WBP1L: variants seen among roughly 807,000 people sequenced by gnomAD.
WBP1L encodes the protein WW domain binding protein 1-like.
A neutral mutation model predicts 33.7 loss-of-function variants in WBP1L; 17 were observed. The ratio of observed to expected loss-of-function variants is 0.50; its 90% CI spans 0.34 to 0.76. The LOEUF is 0.76. Among genes scored for constraint, WBP1L ranks in the 30% least tolerant of loss-of-function variants. The pLI, the probability that WBP1L is intolerant of heterozygous loss-of-function variation, is 0.01. For missense variants in WBP1L, 389 were observed against 469.4 expected, an observed-to-expected ratio of 0.83 and a Z score of 1.58; for synonymous variants, 173 against 190.8, an observed-to-expected ratio of 0.91 and a Z score of 0.77.
chr10:102,744,202 G>A, intron 1 of WBP1L, 59 bp downstream of exon 1: 1 of 1,489,540 alleles, frequency 6.7e-7, no homozygotes, highest in Non-Finnish European at 9.0e-7. Flanking sequence ...AGGCCTGGCT[G>A]GAGGGGTCTG....
chr10:102,766,311 C>G (rs1461907297), intron 1 of WBP1L, among the ~76,000 whole-genome samples: 1 of 151,414 alleles, frequency 6.6e-6, no homozygotes, highest in Non-Finnish European at 1.5e-5. Context: ...GCATGGTGCG[C>G]ATGCCTGTAA....
At chr10:102,750,527 CTT>C (rs144399592) in intron 1 of WBP1L, among the ~76,000 whole-genome samples, 2 of 149,396 alleles carry the variant, frequency 1.3e-5, no homozygotes, top group African/African-American at 4.9e-5. Flanking sequence ...AGCATATTTT[CTT>C]TTTTTTTTTC....
intron 1 of WBP1L, among the ~76,000 whole-genome samples, chr10:102,771,784 G>A (rs1843189196): frequency 6.7e-6 from 1 of 149,116 alleles, no homozygotes; most frequent in African/African-American, 2.5e-5. Context: ...CTCCAGCCTG[G>A]TTGACAGAGT....
chr10:102,769,582 T>A (rs1481801432), intron 1 of WBP1L, among the ~76,000 whole-genome samples: 1 of 152,314 alleles, frequency 6.6e-6, no homozygotes, highest in African/African-American at 2.4e-5. Context: ...TGGATGCAAC[T>A]GTAAATATCA....
At chr10:102,775,723 T>A (rs1843252348) in intron 1 of WBP1L, among the ~76,000 whole-genome samples, 1 of 152,110 alleles carries the variant, frequency 6.6e-6, no homozygotes. Context: ...CTAGAGAAAG[T>A]TGGGACAGCC....
intron 2 of WBP1L, among the ~76,000 whole-genome samples, chr10:102,806,861 A>G (rs1390961392): frequency 6.6e-6 from 1 of 152,202 alleles, no homozygotes; most frequent in Non-Finnish European, 1.5e-5. Context: ...GGGGACAGAG[A>G]AAGAGCTGTC....
intron 1 of WBP1L, among the ~76,000 whole-genome samples, chr10:102,781,962 C>T (rs1457470725): frequency 1.3e-5 from 2 of 152,082 alleles, no homozygotes; most frequent in African/African-American, 4.8e-5. Context: ...CAACTTCTGC[C>T]TCCCAGGTTC....
chr10:102,775,871 A>G (rs572581614), intron 1 of WBP1L, among the ~76,000 whole-genome samples: 62 of 152,282 alleles, frequency 4.1e-4, no homozygotes, highest in African/African-American at 1.4e-3. Context: ...CTACAAAGTC[A>G]GTCCTTATTC....
At chr10:102,772,871 A>G (rs1843210216) in intron 1 of WBP1L, among the ~76,000 whole-genome samples, 1 of 150,918 alleles carries the variant, frequency 6.6e-6, no homozygotes, top group East Asian at 1.9e-4. Context: ...TGCCCAGCCA[A>G]CCTGCAACAT....
chr10:102,768,678 C>T lies in WBP1L; in HGVS notation c.90+24535C>T, dbSNP rs182997040. 1.7e-4 allele frequency among the ~76,000 whole-genome samples: 3 copies of T among 17,772 alleles called. 1 individual carries two copies. Among genetic ancestry groups the T allele is most frequent in the Non-Finnish European group, 1.1e-4 (1 of 9,304 alleles). 11.7% of individuals were successfully genotyped at this position (17,772 alleles called of 152,430 possible). ...TGCTGGGATTACAGGCGTGAGCCAC[C>T]GCGCCCGGCCAGTTTTTTTTTTTTT... On this transcript the variant is annotated intron_variant, in intron 1 of 3. Transcript: ENST00000448841.
intron 1 of WBP1L, among the ~76,000 whole-genome samples, chr10:102,757,200 T>A (rs954861554): frequency 1.3e-5 from 2 of 152,166 alleles, no homozygotes; most frequent in Admixed American, 6.5e-5. Flanking sequence ...AATTTTTAAA[T>A]TTTTTATAGA....
intron 1 of WBP1L, among the ~76,000 whole-genome samples, chr10:102,768,371 G>GTTTTTTTTTTTT (rs1192088947): frequency 8.2e-4 from 10 of 12,220 alleles, no homozygotes; most frequent in South Asian, 2.7e-3. Context: ...TTAGTTTTTT[G>GTTTTTTTTTTTT]TTTTTTTTTT....
intron 1 of WBP1L, among the ~76,000 whole-genome samples, chr10:102,786,790 G>A (rs562859199): frequency 1.3e-5 from 2 of 152,298 alleles, no homozygotes; most frequent in East Asian, 3.9e-4. Flanking sequence ...CTCCCCTTTG[G>A]GGACCATGAC....
chr10:102,798,386 A>G (rs913794558), intron 2 of WBP1L, among the ~76,000 whole-genome samples: 1 of 152,022 alleles, frequency 6.6e-6, no homozygotes, highest in African/African-American at 2.4e-5. Context: ...AGCAGCTGAC[A>G]ACAACTTAGA....
intron 1 of WBP1L, among the ~76,000 whole-genome samples, chr10:102,783,304 A>C (rs113714647): frequency 6.6e-6 from 1 of 152,118 alleles, no homozygotes; most frequent in Non-Finnish European, 1.5e-5. Flanking sequence ...TGTGAAAATC[A>C]CACCCCCACA....
At chr10:102,752,934 TG>T (rs1842939125) in intron 1 of WBP1L, among the ~76,000 whole-genome samples, 1 of 152,216 alleles carries the variant, frequency 6.6e-6, no homozygotes, top group South Asian at 2.1e-4. Context: ...GTTGTTGTCA[TG>T]GGTATCTTGC....
At chr10:102,759,243 C>G (rs1214184406) in intron 1 of WBP1L, among the ~76,000 whole-genome samples, 4 of 151,850 alleles carry the variant, frequency 2.6e-5, no homozygotes, top group African/African-American at 4.8e-5. Context: ...GGCCCTTATG[C>G]GGGCATGACA....
chr10:102,767,996 C>T (rs1486059981), intron 1 of WBP1L, among the ~76,000 whole-genome samples: 1 of 152,144 alleles, frequency 6.6e-6, no homozygotes, highest in Non-Finnish European at 1.5e-5. Context: ...TATTCATGCT[C>T]TGCTCTGCGT....
At chr10:102,806,685 C>T (rs1253262600) in intron 2 of WBP1L, among the ~76,000 whole-genome samples, 2 of 152,198 alleles carry the variant, frequency 1.3e-5, no homozygotes, top group Non-Finnish European at 2.9e-5. Flanking sequence ...TGTTCTCTTG[C>T]TGCAAGGCTG....
Sources: allele counts gnomAD v4.1 joint callset (sites outside exome capture counted in the v4.1 genomes callset), GRCh38; gene constraint gnomAD v4.1.1; transcripts MANE v1.5; gene names NCBI Gene and HGNC (gene_info 2026-07-23, HGNC 2026-07-21).